Variants in LPAR1 observed in about 807,000 individuals in gnomAD.
LPAR1 encodes lysophosphatidic acid receptor 1.
Under a neutral mutation model 23.8 loss-of-function variants are expected in LPAR1, and 5 were observed. That is an observed-to-expected ratio of 0.21 (90% confidence interval 0.11 to 0.44). The LOEUF (loss-of-function observed/expected upper bound fraction) is 0.44, where lower values mean the gene tolerates loss of function less well. Ranked by LOEUF, LPAR1 falls within the 20% of genes least tolerant of loss-of-function variation. LPAR1 has a pLI of 0.99. For missense variants in LPAR1, 311 were observed against 482.8 expected (o/e 0.64, Z 3.33); for synonymous variants, 160 against 164.7 (o/e 0.97, Z 0.22).
At chr9:110,943,528 T>C (rs758248619) in intron 4 of LPAR1, among the ~76,000 whole-genome samples, 1 of 152,078 alleles carries the variant, frequency 6.6e-6, no homozygotes, top group Non-Finnish European at 1.5e-5. Flanking sequence ...ACTTAATACA[T>C]TGTATAATTA....
At chr9:111,038,510 G>A (rs28700160), upstream of LPAR1, 101,389 of 421,302 alleles carry the variant, frequency 0.24, 13,169 homozygotes, top group East Asian at 0.55. This position sits in a 1 kb window ranked among gnomAD's most constrained non-coding sequence, Gnocchi z 4.4. Flanking sequence ...GGGGCGCAGA[G>A]GGAGGGCCAG....
chr9:110,940,582 T>A (rs148619430), intron 5 of LPAR1, among the ~76,000 whole-genome samples: 1 of 152,246 alleles, frequency 6.6e-6, no homozygotes, highest in African/African-American at 2.4e-5. Flanking sequence ...GGAGAATGTA[T>A]AATTCCATTG....
Position 110,875,729 on chromosome 9 carries a change from G to T in LPAR1, c.794-7C>A, listed in dbSNP as rs377562103. On this transcript the variant is annotated splice_region_variant and splice_polypyrimidine_tract_variant and intron_variant, in intron 5 of 5. Transcript: ENST00000683809. The stretch of plus-strand genomic sequence containing the variant: ...CAGCAGATGATAAAGGCCCCTACAA[G>T]GACAAGGATAGGGATCAGAAGGATT... 5.9e-5 allele frequency: 92 copies of T among 1,551,228 alleles called. No individual in the cohort carries two copies. In the African/African-American group the frequency reaches 1.2e-3, roughly 20 times the overall value.
chr9:110,950,887 A>T (rs552906261), intron 4 of LPAR1, among the ~76,000 whole-genome samples: 6 of 152,364 alleles, frequency 3.9e-5, no homozygotes, highest in African/African-American at 1.4e-4. Context: ...GACTCCCTGA[A>T]CATTGATATG....
intron 4 of LPAR1, among the ~76,000 whole-genome samples, chr9:110,954,285 T>TA (rs1312335429): frequency 3.3e-5 from 5 of 151,626 alleles, no homozygotes; most frequent in Admixed American, 6.6e-5. Flanking sequence ...AACAAAAGGA[T>TA]AAAAAAAGAA....
At chr9:110,890,579 T>G (rs1462254009) in intron 5 of LPAR1, among the ~76,000 whole-genome samples, 3 of 152,212 alleles carry the variant, frequency 2.0e-5, no homozygotes, top group Non-Finnish European at 4.4e-5. Flanking sequence ...TTCCATGAAT[T>G]CCAGGGTCCT....
chr9:110,976,654 G>A (rs1325478665), intron 2 of LPAR1, among the ~76,000 whole-genome samples: 2 of 152,144 alleles, frequency 1.3e-5, no homozygotes, highest in Non-Finnish European at 2.9e-5. Flanking sequence ...TTGCCCAGCT[G>A]ACATCAGGCT....
At chr9:110,957,920 GT>G (rs1390129071) in intron 4 of LPAR1, among the ~76,000 whole-genome samples, 1 of 151,996 alleles carries the variant, frequency 6.6e-6, no homozygotes, top group Non-Finnish European at 1.5e-5. Flanking sequence ...AATCAATAGT[GT>G]TTTTACACAC....
intron 2 of LPAR1, among the ~76,000 whole-genome samples, chr9:111,022,110 A>G (rs1273853304): frequency 1.3e-5 from 2 of 152,156 alleles, no homozygotes; most frequent in African/African-American, 4.8e-5. Context: ...ACACAGAAAG[A>G]TGCAAATACC....
chr9:110,894,658 A>G (rs142952823), intron 5 of LPAR1, among the ~76,000 whole-genome samples: 77 of 152,316 alleles, frequency 5.1e-4, no homozygotes, highest in African/African-American at 1.8e-3. Flanking sequence ...ACAATTCTGA[A>G]GTAACCCATC....
At chr9:111,014,099 T>C (rs954424507) in intron 2 of LPAR1, among the ~76,000 whole-genome samples, 3 of 152,092 alleles carry the variant, frequency 2.0e-5, no homozygotes, top group Non-Finnish European at 2.9e-5. Context: ...CTAAATACCA[T>C]AGTCAGCCCT....
At chr9:110,986,182 T>A (rs2096777187) in intron 2 of LPAR1, among the ~76,000 whole-genome samples, 1 of 152,074 alleles carries the variant, frequency 6.6e-6, no homozygotes, top group Admixed American at 6.6e-5. Flanking sequence ...GCAATGCAGA[T>A]ATAAATTTGA....
At chr9:110,928,465 T>C (rs1017381106) in intron 5 of LPAR1, among the ~76,000 whole-genome samples, 21 of 152,230 alleles carry the variant, frequency 1.4e-4, no homozygotes, top group African/African-American at 4.8e-4. Context: ...CTACTGGTAC[T>C]CTAGAATATA....
intron 2 of LPAR1, among the ~76,000 whole-genome samples, chr9:110,997,487 A>T (rs958785533): frequency 2.6e-5 from 4 of 152,216 alleles, no homozygotes; most frequent in African/African-American, 9.7e-5. Context: ...TAAAATATAC[A>T]AAAATATTAA....
At chr9:110,936,481 A>G (rs984770524) in intron 5 of LPAR1, among the ~76,000 whole-genome samples, 8 of 152,224 alleles carry the variant, frequency 5.3e-5, no homozygotes, top group Admixed American at 3.3e-4. Context: ...GCCACTTACA[A>G]AAAGAATGAT....
chr9:110,890,727 C>T (rs936657792), intron 5 of LPAR1, among the ~76,000 whole-genome samples: 15 of 152,196 alleles, frequency 9.9e-5, no homozygotes, highest in African/African-American at 3.6e-4. Context: ...ATAATTGAAT[C>T]TGACATTATA....
At chr9:110,953,126 C>T (rs1215300223) in intron 4 of LPAR1, among the ~76,000 whole-genome samples, 5 of 152,198 alleles carry the variant, frequency 3.3e-5, no homozygotes, top group African/African-American at 1.2e-4. Context: ...TCCCACACCA[C>T]ACCTGACACT....
intron 5 of LPAR1, chr9:110,903,418 G>A (rs2090010593): frequency 6.6e-6 from 1 of 152,088 alleles, no homozygotes; most frequent in Non-Finnish European, 1.5e-5. Flanking sequence ...AGGGTGACAT[G>A]CAAAGTCGTG....
rs1186069492 is a variant in LPAR1 at position 110,953,249 on chromosome 9, G to A, written c.46-11081C>T. ...TGGTACCAGCATACACCAAGAACAG[G>A]CATGCTCAGCCTGCAACTGCCACTA... is the stretch of plus-strand genomic sequence containing the variant. On this transcript the variant is annotated intron_variant, in intron 4 of 5. Coordinates refer to ENST00000683809, the MANE Select transcript of LPAR1 (RefSeq NM_001351411.2). 2.0e-5 allele frequency among the ~76,000 whole-genome samples: 3 copies of A among 152,218 alleles called. No individual in the cohort carries two copies. In the East Asian group the frequency reaches 5.8e-4, roughly 29 times the overall value.
Sources: allele counts gnomAD v4.1 joint callset (sites outside exome capture counted in the v4.1 genomes callset), GRCh38; gene constraint gnomAD v4.1.1; non-coding constraint Gnocchi (gnomAD v3.1); transcripts MANE v1.5; gene names NCBI Gene and HGNC (gene_info 2026-07-23, HGNC 2026-07-21).